The following ADTRP variants were observed in gnomAD, a reference collection of about 807,000 sequenced individuals.
The protein encoded by ADTRP is androgen dependent TFPI regulating protein, also known as androgen-dependent TFPI-regulating protein.
In ADTRP, 20 loss-of-function variants were observed where a neutral mutation model predicts 27.0. That is an observed-to-expected ratio of 0.74 (90% confidence interval 0.52 to 1.08). The LOEUF (loss-of-function observed/expected upper bound fraction) is 1.08, where lower values mean the gene tolerates loss of function less well. ADTRP is among the 50% of genes least tolerant of loss of function. The probability of loss-of-function intolerance (pLI) is 0.00; values close to 1 mark genes in which losing one functional copy is unlikely to be tolerated. For missense variants in ADTRP, 251 were observed against 275.0 expected, an observed-to-expected ratio of 0.91 and a Z score of 0.62; for synonymous variants, 101 against 105.2, an observed-to-expected ratio of 0.96 and a Z score of 0.25.
rs140361069 is a variant in ADTRP at position 11,774,311 on chromosome 6, A to AAAATAAAT, written c.153+4288_153+4295dup. 2.8e-3 allele frequency among the ~76,000 whole-genome samples: 408 copies of AAAATAAAT among 144,686 alleles called. 4 individuals carry two copies. The highest frequency in any genetic ancestry group is 0.026 in the East Asian group (126 of 4,904). 94.9% of individuals were successfully genotyped at this position (144,686 alleles called of 152,430 possible). Reference sequence around the variant, plus strand: ...GGGAACAGAGAGAGATTCCATCTCAAAAATAAATAAATAAATAAATAAATA... The same window carrying AAAATAAAT: ...GGGAACAGAGAGAGATTCCATCTCAAAAATAAATAAATAAATAAATAAATAAATAAATA... On this transcript the variant is annotated intron_variant, in intron 1 of 5. Transcript: ENST00000414691.
rs1213519477 is a variant in ADTRP at position 11,756,679 on chromosome 6, A to AT, written c.390+9594dup. On this transcript the variant is annotated intron_variant, in intron 3 of 5. Transcript: ENST00000414691. ...ACAAAGATTATGGAGGAAGAAATTT[A>AT]TTTTTTTTTCTGACTATGGGACTGG... Among the ~76,000 whole-genome samples the AT allele has an allele frequency of 4.0e-5, 6 of 151,462 alleles. No homozygotes were observed. The South Asian group carries it at 6.3e-4, about 16-fold the overall frequency.
intron 1 of ADTRP, among the ~76,000 whole-genome samples, chr6:11,776,796 G>T (rs1763968433): frequency 1.3e-5 from 2 of 152,218 alleles, no homozygotes; most frequent in Non-Finnish European, 2.9e-5. Context: ...CGAAAGGCTG[G>T]TTGGGCAGGT....
chr6:11,731,489 G>A (rs924448226), intron 4 of ADTRP, among the ~76,000 whole-genome samples: 1 of 152,160 alleles, frequency 6.6e-6, no homozygotes, highest in Non-Finnish European at 1.5e-5. Context: ...TCTGCCATCT[G>A]CAAGCCTTCA....
At chr6:11,739,902 C>T (rs550269717) in intron 3 of ADTRP, among the ~76,000 whole-genome samples, 1 of 152,060 alleles carries the variant, frequency 6.6e-6, no homozygotes, top group Non-Finnish European at 1.5e-5. Flanking sequence ...AAGTTTCCTG[C>T]GGGGACAAGA....
At position 11,713,847 on chromosome 6, in the gene ADTRP, T is replaced by A. The variant is rs1349762038; in HGVS notation, c.*631A>T. ...ATTGTCTTCAATTAATTTGCTATTA[T>A]CCCAAGTAGACAGACAACTTCAGTA... On this transcript the variant is annotated 3_prime_UTR_variant, in exon 6 of 6. Coordinates refer to ENST00000414691, the MANE Select transcript of ADTRP (RefSeq NM_032744.4). 6.6e-6 allele frequency: 1 copy of A among 152,224 alleles called. No individual in the cohort carries two copies. Among genetic ancestry groups the A allele is most frequent in the Non-Finnish European group, 1.5e-5 (1 of 68,070 alleles). 9.4% of individuals were successfully genotyped at this position (152,224 alleles called of 1,614,324 possible).
At chr6:11,760,117 T>G (rs1763349869) in intron 3 of ADTRP, among the ~76,000 whole-genome samples, 1 of 152,204 alleles carries the variant, frequency 6.6e-6, no homozygotes, top group Admixed American at 6.5e-5. Context: ...GAAATTTGCA[T>G]TAATTTGTAA....
chr6:11,722,094 A>G lies in ADTRP; in HGVS notation c.658+1255T>C, dbSNP rs1762040045. Among the ~76,000 whole-genome samples the G allele has an allele frequency of 3.9e-5, 6 of 152,258 alleles. No homozygotes were observed. The South Asian group carries it at 1.2e-3, about 31-fold the overall frequency. On this transcript the variant is annotated intron_variant, in intron 5 of 5. Transcript: ENST00000414691. ...CCCAGAACTTCAAGGAGCCAAAACT[A>G]GTTAGAATTATATGTCAACACATCT... is the stretch of plus-strand genomic sequence containing the variant.
intron 5 of ADTRP, among the ~76,000 whole-genome samples, chr6:11,718,237 G>T (rs373657538): frequency 9.8e-5 from 15 of 152,360 alleles, no homozygotes; most frequent in African/African-American, 3.1e-4. Context: ...CTCCTGGCAT[G>T]TGTCCATCAA....
At chr6:11,772,182 C>G (rs1763806099) in intron 1 of ADTRP, among the ~76,000 whole-genome samples, 1 of 152,230 alleles carries the variant, frequency 6.6e-6, no homozygotes, top group South Asian at 2.1e-4. Flanking sequence ...TATCCTTTCT[C>G]CTGGTTCTTC....
chr6:11,715,420 A>G (rs1484038994), intron 5 of ADTRP, among the ~76,000 whole-genome samples: 1 of 152,088 alleles, frequency 6.6e-6, no homozygotes. Flanking sequence ...GTGGCCCCTT[A>G]ATTACACTGA....
intron 1 of ADTRP, 136 bp downstream of exon 1, chr6:11,778,471 C>A: frequency 2.3e-6 from 3 of 1,277,190 alleles, no homozygotes; most frequent in Non-Finnish European, 3.2e-6. Flanking sequence ...AACAAAAAAC[C>A]CAAAACTCAC....
rs546018810 is a variant in ADTRP at position 11,762,501 on chromosome 6, G to GCTGT, written c.390+3769_390+3772dup. 5.9e-3 allele frequency among the ~76,000 whole-genome samples: 893 copies of GCTGT among 152,254 alleles called. 10 individuals carry two copies. Among genetic ancestry groups the GCTGT allele is most frequent in the African/African-American group, 0.02 (834 of 41,520 alleles). On this transcript the variant is annotated intron_variant, in intron 3 of 5. Coordinates refer to ENST00000414691, the MANE Select transcript of ADTRP (RefSeq NM_032744.4). The stretch of plus-strand genomic sequence containing the variant: ...TGACAACATATTAAATAACTAGGTG[G>GCTGT]CTGTATCTGGGACTTTCTCCAATTT...
At chr6:11,735,938 T>C in intron 3 of ADTRP, 7 of 311,864 alleles carry the variant, frequency 2.2e-5, no homozygotes, top group South Asian at 1.6e-4. Flanking sequence ...TGCCCACTGC[T>C]CCCCTCTCCC....
intron 4 of ADTRP, among the ~76,000 whole-genome samples, chr6:11,725,600 A>G (rs1011783923): frequency 6.6e-6 from 1 of 152,232 alleles, no homozygotes; most frequent in Non-Finnish European, 1.5e-5. Context: ...AAGATGGTAC[A>G]TCTGCCTTGG....
At position 11,768,123 on chromosome 6, in the gene ADTRP, G is replaced by C. The variant is rs1311079612; in HGVS notation, c.288+126C>G. 8 of 1,183,354 alleles carry C rather than the reference G, an allele frequency of 6.8e-6. No individual in the cohort carries two copies. The African/African-American group carries it at 9.2e-5, about 14-fold the overall frequency. 73.3% of individuals were successfully genotyped at this position (1,183,354 alleles called of 1,614,324 possible). A position where few individuals can be genotyped will look rare whatever the true frequency, so the allele number is the denominator to read the frequency against. ...GCAATGTGGCGCAGTCCTCAGACAGGACATTGTTGTAAATGCAGTGGGTGT... is the reference window on the plus strand; with the variant it reads ...GCAATGTGGCGCAGTCCTCAGACAGCACATTGTTGTAAATGCAGTGGGTGT... On this transcript the variant is annotated intron_variant, in intron 2 of 5. Coordinates refer to ENST00000414691, the MANE Select transcript of ADTRP (RefSeq NM_032744.4).
intron 1 of ADTRP, among the ~76,000 whole-genome samples, chr6:11,774,562 A>G (rs577747451): frequency 3.8e-4 from 57 of 150,754 alleles, no homozygotes; most frequent in Non-Finnish European, 6.2e-4. Context: ...ATGACGACGG[A>G]GCTGCCTGGG....
chr6:11,737,137 G>A (rs12189748), intron 3 of ADTRP, among the ~76,000 whole-genome samples: 34,496 of 151,988 alleles, frequency 0.23, 4,170 homozygotes, highest in Middle Eastern at 0.27. Flanking sequence ...TGTGTGCCAT[G>A]TGTTTTCATT....
At chr6:11,775,780 C>G (rs1171060752) in intron 1 of ADTRP, among the ~76,000 whole-genome samples, 2 of 152,292 alleles carry the variant, frequency 1.3e-5, no homozygotes, top group South Asian at 2.1e-4. Flanking sequence ...GCAATGCTCA[C>G]AGTGCCAACT....
At chr6:11,760,712 C>T (rs777923641) in intron 3 of ADTRP, among the ~76,000 whole-genome samples, 8 of 152,200 alleles carry the variant, frequency 5.3e-5, no homozygotes, top group South Asian at 4.1e-4. Context: ...GCCTGTTCCA[C>T]GTCTTGACAT....
Sources: allele counts gnomAD v4.1 joint callset (sites outside exome capture counted in the v4.1 genomes callset), GRCh38; gene constraint gnomAD v4.1.1; transcripts MANE v1.5; gene names NCBI Gene and HGNC (gene_info 2026-07-23, HGNC 2026-07-21).